DCHS2: variants seen among roughly 807,000 people sequenced by gnomAD.
DCHS2 encodes protocadherin-23.
Under a neutral mutation model 182.4 loss-of-function variants are expected in DCHS2, and 142 were observed. The observed-to-expected ratio is 0.78, with a 90% CI of 0.68 to 0.89. The LOEUF is 0.89. DCHS2 is among the 40% of genes least tolerant of loss of function. The probability of loss-of-function intolerance (pLI) is 0.00; values close to 1 mark genes in which losing one functional copy is unlikely to be tolerated. For missense variants in DCHS2, 4,319 were observed against 4,198.6 expected, an observed-to-expected ratio of 1.03 and a Z score of -0.79; for synonymous variants, 1,740 against 1,663.3, an observed-to-expected ratio of 1.05 and a Z score of -1.12.
intron 13 of DCHS2, among the ~76,000 whole-genome samples, chr4:154,296,742 T>A (rs1734942738): frequency 6.6e-6 from 1 of 152,130 alleles, no homozygotes; most frequent in Non-Finnish European, 1.5e-5. Context: ...AAATGTATAA[T>A]AATACCAAAA....
chr4:154,457,974 C>A (rs1221991928), intron 1 of DCHS2, among the ~76,000 whole-genome samples: 1 of 152,132 alleles, frequency 6.6e-6, no homozygotes, highest in African/African-American at 2.4e-5. Context: ...TTTTGTTTAA[C>A]TTTTTTTCCT....
At chr4:154,415,426 T>C (rs1732793008) in intron 1 of DCHS2, among the ~76,000 whole-genome samples, 1 of 152,208 alleles carries the variant, frequency 6.6e-6, no homozygotes, top group Non-Finnish European at 1.5e-5. Context: ...TCAGTTGCCA[T>C]GGATTTCCTG....
At chr4:154,313,204 G>A (rs189108876) in intron 10 of DCHS2, among the ~76,000 whole-genome samples, 105 of 152,308 alleles carry the variant, frequency 6.9e-4, no homozygotes, top group African/African-American at 2.4e-3. Context: ...AGTGGGGGAA[G>A]GGCACTGCAG....
intron 4 of DCHS2, 121 bp from the exon 5 acceptor site, chr4:154,333,615 A>T: frequency 1.1e-6 from 1 of 913,558 alleles, no homozygotes; most frequent in South Asian, 1.8e-5. Flanking sequence ...ATGATGGATC[A>T]CATATACTAT....
At chr4:154,397,012 G>C (rs907587871) in intron 1 of DCHS2, among the ~76,000 whole-genome samples, 6 of 152,120 alleles carry the variant, frequency 3.9e-5, no homozygotes, top group African/African-American at 1.4e-4. Context: ...GACAAGAAAG[G>C]CATCCTTGTT....
intron 1 of DCHS2, among the ~76,000 whole-genome samples, chr4:154,381,625 T>A (rs1006044829): frequency 6.6e-6 from 1 of 152,080 alleles, no homozygotes; most frequent in African/African-American, 2.4e-5. Context: ...ATCAGTAGCA[T>A]TCCTATACAG....
rs143637650 is a variant in DCHS2 at position 154,452,314 on chromosome 4, T to C, written c.2052+36990A>G. On this transcript the variant is annotated intron_variant, in intron 1 of 19. Transcript: ENST00000357232. ...TAATACTCTCCTAACATGTATTAAC[T>C]TGTCAATTTAGCACCCTACTAAAGA... Among the ~76,000 whole-genome samples, 1,013 of 152,276 alleles carry C rather than the reference T, an allele frequency of 6.7e-3. 6 individuals carry two copies. Among genetic ancestry groups the C allele is most frequent in the African/African-American group, 0.012 (482 of 41,558 alleles).
At chr4:154,240,985 C>A (rs184716463) in intron 17 of DCHS2, among the ~76,000 whole-genome samples, 162 bp from the exon 18 acceptor site, 1 of 152,258 alleles carries the variant, frequency 6.6e-6, no homozygotes, top group African/African-American at 2.4e-5. Flanking sequence ...AACAAAAACT[C>A]TGAAGAATTT....
chr4:154,466,925 T>C (rs1176344337), intron 1 of DCHS2, among the ~76,000 whole-genome samples: 1 of 152,200 alleles, frequency 6.6e-6, no homozygotes, highest in Non-Finnish European at 1.5e-5. Flanking sequence ...AAGTAATACT[T>C]GGTCAACAAG....
chr4:154,352,433 G>A (rs1007210704), intron 3 of DCHS2: 1 of 152,166 alleles, frequency 6.6e-6, no homozygotes, highest in Non-Finnish European at 1.5e-5. Flanking sequence ...CAAGTGTCCA[G>A]ATAAAGACTC....
intron 1 of DCHS2, among the ~76,000 whole-genome samples, chr4:154,390,664 T>C (rs919985522): frequency 6.6e-6 from 1 of 152,164 alleles, no homozygotes; most frequent in African/African-American, 2.4e-5. Flanking sequence ...TGTTTATTAT[T>C]AGCATTAACA....
intron 4 of DCHS2, chr4:154,334,610 T>C (rs1326977402): frequency 5.0e-6 from 2 of 396,234 alleles, no homozygotes; most frequent in East Asian, 4.7e-5. Flanking sequence ...ATAGGAGACA[T>C]ATATTTTGTA....
In DCHS2 at chr4:154,336,316, T is replaced by C. The variant is rs544170065; in HGVS notation, c.2477-1212A>G. ...TTATTAATACTACCACTTAGTGTAC[T>C]AGTTTAAAAACCTGAAAACGGATCT... On this transcript the variant is annotated intron_variant, in intron 3 of 19. Transcript: ENST00000357232. 7.2e-5 allele frequency among the ~76,000 whole-genome samples: 11 copies of C among 152,338 alleles called. No individual in the cohort carries two copies. The South Asian group carries it at 2.3e-3, about 32-fold the overall frequency.
In DCHS2 at chr4:154,320,426, A is replaced by G. The variant is rs199865844; in HGVS notation, c.4973T>C (p.Ile1658Thr). Reference protein sequence around the residue: ...EGRNGKVTYSILSGNENMTFM... With the variant: ...EGRNGKVTYSTLSGNENMTFM... ...CGTCATGTTTTCATTTCCTGAGAGG[A>G]TGCTGTATGTTACTTTTCCATTCCT... is the stretch of plus-strand genomic sequence containing the variant. Residue 1658 changes from isoleucine (I) to threonine (T), a missense_variant, in exon 9 of 20, where the codon ATC (isoleucine) becomes ACC (threonine). Transcript: ENST00000357232. The G allele has an allele frequency of 6.2e-7, 1 of 1,614,056 alleles. No homozygotes were observed. Among genetic ancestry groups the G allele is most frequent in the African/African-American group, 1.3e-5 (1 of 75,034 alleles).
chr4:154,240,801 C>A lies in DCHS2; in HGVS notation c.7095G>T (p.Val2365=). The A allele has an allele frequency of 3.1e-6, 5 of 1,613,646 alleles. No individual in the cohort carries two copies. In the South Asian group the frequency reaches 4.4e-5, roughly 14 times the overall value. Reference sequence around the variant, plus strand: ...CCACATCATGAACTGACACATGAGTCACAATTACACCAGGCAAAGAATCTG... The same window carrying A: ...CCACATCATGAACTGACACATGAGTAACAATTACACCAGGCAAAGAATCTG... ...ITEDSLPGVI[V]THVSVHDVDL... is the part of the protein sequence containing the mutation. The change falls in exon 18 of 20, where the codon GTG becomes GTT. Residue 2365 remains valine (V), a synonymous_variant. Transcript: ENST00000357232.
intron 1 of DCHS2, among the ~76,000 whole-genome samples, chr4:154,408,267 T>A (rs1732480237): frequency 6.6e-6 from 1 of 152,246 alleles, no homozygotes; most frequent in African/African-American, 2.4e-5. Flanking sequence ...TTATCTCATT[T>A]GTCACTCAAT....
At chr4:154,259,471 TTC>T (rs368533986) in intron 15 of DCHS2, 72 bp downstream of exon 15, 5,689 of 1,271,334 alleles carry the variant, frequency 4.5e-3, no homozygotes, top group South Asian at 0.016. Context: ...CTTGTAATAA[TTC>T]TCTCTCTCTC....
intron 2 of DCHS2, among the ~76,000 whole-genome samples, chr4:154,369,731 A>G (rs1281381183): frequency 6.7e-6 from 1 of 148,306 alleles, no homozygotes; most frequent in Non-Finnish European, 1.5e-5. Flanking sequence ...TTGTCTTATC[A>G]TTTCTTTTTC....
At position 154,235,661 on chromosome 4, in the gene DCHS2, G is replaced by A. The variant is rs779757572; in HGVS notation, c.8991C>T (p.Ser2997=). 8.7e-6 allele frequency: 14 copies of A among 1,613,840 alleles called. No homozygotes were observed. In the Admixed American group the frequency reaches 2.3e-4, roughly 27 times the overall value. The change falls in exon 20 of 20, where the codon AGC becomes AGT. Residue 2997 remains serine (S), a synonymous_variant. Coordinates refer to ENST00000357232, the MANE Select transcript of DCHS2 (RefSeq NM_001358235.2). ...GAAACACTAAAAAGGAGACCACCAG[G>A]CTGATTGAAAAGCTGCTGGCGAACA... ...LAVFASSFSI[S]LVVSFLVFLI...
Sources: allele counts gnomAD v4.1 joint callset (sites outside exome capture counted in the v4.1 genomes callset), GRCh38; gene constraint gnomAD v4.1.1; transcripts MANE v1.5; gene names NCBI Gene and HGNC (gene_info 2026-07-23, HGNC 2026-07-21).